The following PTPN4 variants were observed in gnomAD, a reference collection of about 807,000 sequenced individuals.
PTPN4 encodes the protein protein tyrosine phosphatase non-receptor type 4.
A neutral mutation model predicts 135.5 loss-of-function variants in PTPN4; 49 were observed. The observed-to-expected ratio is 0.36, with a 90% CI of 0.29 to 0.46. The LOEUF is 0.46. Ranked by LOEUF, PTPN4 falls within the 20% of genes least tolerant of loss-of-function variation. The pLI is 1.00. For missense variants in PTPN4, 860 were observed against 1,101.0 expected (o/e 0.78, Z 3.10); for synonymous variants, 333 against 369.9 (o/e 0.90, Z 1.14).
chr2:119,852,991 A>G (rs1383771424), intron 2 of PTPN4, among the ~76,000 whole-genome samples: 1 of 152,180 alleles, frequency 6.6e-6, no homozygotes, highest in African/African-American at 2.4e-5. Flanking sequence ...AGAACACACT[A>G]TGTGATTTCA....
At chr2:119,794,071 C>A (rs1260390162) in intron 1 of PTPN4, among the ~76,000 whole-genome samples, 1 of 151,824 alleles carries the variant, frequency 6.6e-6, no homozygotes, top group Non-Finnish European at 1.5e-5. Context: ...TGGTCTTGAA[C>A]TCCTGGGCTC....
intron 10 of PTPN4, among the ~76,000 whole-genome samples, chr2:119,913,889 A>G (rs1678609730): frequency 6.6e-6 from 1 of 152,232 alleles, no homozygotes; most frequent in East Asian, 1.9e-4. Flanking sequence ...TATTACTGCT[A>G]TATAAAATAG....
intron 1 of PTPN4, among the ~76,000 whole-genome samples, chr2:119,799,497 C>T (rs1359229193): frequency 1.3e-5 from 2 of 152,158 alleles, no homozygotes; most frequent in East Asian, 3.8e-4. Flanking sequence ...AAATACTAGA[C>T]ATGGTAATTT....
At chr2:119,844,247 C>A (rs1677436263) in intron 2 of PTPN4, among the ~76,000 whole-genome samples, 2 of 140,352 alleles carry the variant, frequency 1.4e-5, no homozygotes, top group African/African-American at 5.3e-5. Context: ...GCGCCCCTCA[C>A]CTCCCAGACG....
At chr2:119,876,938 T>TGTGTGTGTGTGC (rs1553458127) in intron 3 of PTPN4, among the ~76,000 whole-genome samples, 1 of 136,220 alleles carries the variant, frequency 7.3e-6, no homozygotes, top group Non-Finnish European at 1.6e-5. Context: ...TGTGTGTGTG[T>TGTGTGTGTGTGC]GTGCGTGAAG....
intron 6 of PTPN4, 76 bp from the exon 7 acceptor site, chr2:119,882,021 T>C: frequency 7.4e-7 from 1 of 1,349,136 alleles, no homozygotes; most frequent in Non-Finnish European, 1.1e-6. Flanking sequence ...TCAAGTGTGA[T>C]TGTTTAACAA....
intron 9 of PTPN4, among the ~76,000 whole-genome samples, chr2:119,887,732 C>G (rs1678180584): frequency 6.6e-6 from 1 of 152,094 alleles, no homozygotes; most frequent in Admixed American, 6.5e-5. Context: ...TCCTATTGGT[C>G]TGTGTGTATG....
chr2:119,790,326 T>G (rs576695505), intron 1 of PTPN4, among the ~76,000 whole-genome samples: 34 of 152,302 alleles, frequency 2.2e-4, no homozygotes, highest in Admixed American at 5.9e-4. Flanking sequence ...ATTGTCAAAT[T>G]GTCTATTTCT....
chr2:119,919,574 G>C (rs977964220), intron 11 of PTPN4, among the ~76,000 whole-genome samples: 1 of 152,124 alleles, frequency 6.6e-6, no homozygotes, highest in South Asian at 2.1e-4. Flanking sequence ...TATAATCCCA[G>C]CACTTTGTGA....
intron 1 of PTPN4, among the ~76,000 whole-genome samples, chr2:119,776,585 C>T (rs1161798606): frequency 6.6e-6 from 1 of 152,120 alleles, no homozygotes; most frequent in Non-Finnish European, 1.5e-5. Context: ...CTTCCACTTC[C>T]TCCACCTCTT....
At chr2:119,792,505 G>A (rs986260537) in intron 1 of PTPN4, among the ~76,000 whole-genome samples, 7 of 152,166 alleles carry the variant, frequency 4.6e-5, no homozygotes, top group Non-Finnish European at 7.3e-5. Flanking sequence ...TTGTTACAAC[G>A]TCTGAGGTTA....
chr2:119,802,581 G>A (rs1217375798), intron 1 of PTPN4, among the ~76,000 whole-genome samples: 1 of 152,098 alleles, frequency 6.6e-6, no homozygotes, highest in Non-Finnish European at 1.5e-5. Flanking sequence ...TTGGTACATG[G>A]TATGTAATTC....
At chr2:119,824,614 G>A (rs1677120713) in intron 2 of PTPN4, among the ~76,000 whole-genome samples, 1 of 152,152 alleles carries the variant, frequency 6.6e-6, no homozygotes, top group Non-Finnish European at 1.5e-5. Context: ...GAGCCCTGTT[G>A]TTAGATACCC....
rs1341764157 is a variant in PTPN4, at chr2:119,978,276, T to G, written c.*1206T>G. 1 of 152,224 alleles carries G rather than the reference T, an allele frequency of 6.6e-6. No homozygotes were observed. The highest frequency in any genetic ancestry group is 2.4e-5 in the African/African-American group (1 of 41,452). 9.4% of individuals were successfully genotyped at this position (152,224 alleles called of 1,614,324 possible). A position where few individuals can be genotyped will look rare whatever the true frequency, so the allele number is the denominator to read the frequency against. The stretch of plus-strand genomic sequence containing the variant: ...AGCAAATAATTGTGATTTATTCATG[T>G]CCATAACTAAAATATTATTCTTTAG... On this transcript the variant is annotated 3_prime_UTR_variant, in exon 27 of 27. Coordinates refer to ENST00000263708, the MANE Select transcript of PTPN4 (RefSeq NM_002830.4).
At chr2:119,891,938 T>G (rs1301474013) in intron 9 of PTPN4, among the ~76,000 whole-genome samples, 2 of 152,194 alleles carry the variant, frequency 1.3e-5, no homozygotes, top group Admixed American at 6.5e-5. Context: ...AGGGGAGGAC[T>G]TTTTCCTGAA....
Position 119,920,246 on chromosome 2 carries a change from G to A in PTPN4, c.1001+5G>A. On this transcript the variant is annotated splice_donor_5th_base_variant and intron_variant, in intron 12 of 26. Coordinates refer to ENST00000263708, the MANE Select transcript of PTPN4 (RefSeq NM_002830.4). ...AGGTTCAAAATTCCGGTACTGGTAA[G>A]TATTGCTTCTGTGTTAAGGCTTTAT... The A allele has an allele frequency of 6.3e-7, 1 of 1,599,900 alleles. No individual in the cohort carries two copies. Among genetic ancestry groups the A allele is most frequent in the Non-Finnish European group, 8.5e-7 (1 of 1,170,826 alleles).
At chr2:119,766,458 GTGTGTGTGTGTGTGTGTGTGTGTGT>G (rs1558718912) in intron 1 of PTPN4, among the ~76,000 whole-genome samples, 51 of 135,222 alleles carry the variant, frequency 3.8e-4, no homozygotes, top group African/African-American at 1.3e-3. Flanking sequence ...GCGTGTGTGT[GTGTGTGTGTGTGTGTGTGTGTGTGT>G]CTGTGTGTGT....
At chr2:119,906,134 C>T (rs1678484277) in intron 10 of PTPN4, among the ~76,000 whole-genome samples, 1 of 152,080 alleles carries the variant, frequency 6.6e-6, no homozygotes, top group Admixed American at 6.5e-5. Context: ...CAAGTAGAGA[C>T]TGTAAAAATA....
At chr2:119,938,306 T>C (rs1679014789) in intron 15 of PTPN4, among the ~76,000 whole-genome samples, 1 of 151,806 alleles carries the variant, frequency 6.6e-6, no homozygotes, top group African/African-American at 2.4e-5. Flanking sequence ...TTTTTGTGTT[T>C]TTAGTAGAGA....
Sources: allele counts gnomAD v4.1 joint callset (sites outside exome capture counted in the v4.1 genomes callset), GRCh38; gene constraint gnomAD v4.1.1; transcripts MANE v1.5; gene names NCBI Gene and HGNC (gene_info 2026-07-23, HGNC 2026-07-21).